COPS9: variants seen among roughly 807,000 people sequenced by gnomAD.
COPS9 encodes the protein COP9 signalosome subunit 9.
In COPS9, 8 loss-of-function variants were observed where a neutral mutation model predicts 7.2. That is an observed-to-expected ratio of 1.11 (90% CI 0.65 to 2.00). The LOEUF is 2.00. COPS9 is among the 30% of genes most tolerant of loss of function. The probability of loss-of-function intolerance (pLI) is 0.00; values close to 1 mark genes in which losing one functional copy is unlikely to be tolerated. For synonymous variants in COPS9, 39 were observed against 28.7 expected (o/e 1.36, Z -1.14); for missense variants, 74 against 77.7 (o/e 0.95, Z 0.18).
chr2:240,130,014 G>A, downstream of COPS9: 1 of 1,613,586 alleles, frequency 6.2e-7, no homozygotes, highest in Non-Finnish European at 8.5e-7. Context: ...GCTTGTCCTG[G>A]GCAGTCCTGA....
intron 1 of COPS9, chr2:240,135,878 C>T: frequency 4.1e-6 from 1 of 242,450 alleles, no homozygotes; most frequent in Non-Finnish European, 7.1e-6. Context: ...CACCGCGGGC[C>T]CCCATGGGGT....
rs1256995450 is a variant in COPS9 at position 240,131,002 on chromosome 2, C to T, written c.*49G>A. 4.4e-6 allele frequency: 7 copies of T among 1,607,316 alleles called. No individual in the cohort carries two copies. The highest frequency in any genetic ancestry group is 5.9e-6 in the Non-Finnish European group (7 of 1,177,356). On this transcript the variant is annotated 3_prime_UTR_variant, in exon 3 of 3. Transcript: ENST00000607357. ...TGAAACTGTCCTGCGCAGGCTCACACTGCGGCTCTGTACCAAGGGCTTGGC... is the reference window on the plus strand; with the variant it reads ...TGAAACTGTCCTGCGCAGGCTCACATTGCGGCTCTGTACCAAGGGCTTGGC...
chr2:240,136,288 G>C lies in COPS9; in HGVS notation c.-4C>G, dbSNP rs1245858541. The C allele has an allele frequency of 1.0e-5, 16 of 1,563,756 alleles. No individual in the cohort carries two copies. The highest frequency in any genetic ancestry group is 2.4e-5 in the South Asian group (2 of 84,842). The stretch of plus-strand genomic sequence containing the variant: ...TCTCGTCCACCGCCGGCTTCATCTC[G>C]GGGCCGCGGCGCTCTAGGCTCACTT... On this transcript the variant is annotated 5_prime_UTR_variant, in exon 1 of 3. Coordinates refer to ENST00000607357, the MANE Select transcript of COPS9 (RefSeq NM_001163424.2).
chr2:240,128,122 C>T (rs943637336), downstream of COPS9, among the ~76,000 whole-genome samples: 1 of 152,216 alleles, frequency 6.6e-6, no homozygotes, highest in African/African-American at 2.4e-5. Context: ...GCAAAGCGCA[C>T]AGCTCGCAGA....
downstream of COPS9, chr2:240,130,022 T>C: frequency 1.2e-6 from 2 of 1,612,234 alleles, no homozygotes; most frequent in Non-Finnish European, 1.7e-6. Context: ...TGGGCAGTCC[T>C]GAGCTGCTGA....
downstream of COPS9, chr2:240,127,088 G>A (rs1417788607): frequency 7.0e-5 from 72 of 1,025,220 alleles, no homozygotes; most frequent in Non-Finnish European, 6.0e-5. Flanking sequence ...GAGAGGGGAA[G>A]GCTAAGTACA....
At chr2:240,133,228 G>GT (rs1345190688) in intron 2 of COPS9, among the ~76,000 whole-genome samples, 2 of 152,246 alleles carry the variant, frequency 1.3e-5, no homozygotes, top group Non-Finnish European at 2.9e-5. Flanking sequence ...TCTGGAGTAA[G>GT]AAACCTATCT....
chr2:240,127,106 A>G (rs543796872), downstream of COPS9, among the ~76,000 whole-genome samples: 6 of 152,360 alleles, frequency 3.9e-5, no homozygotes, highest in Admixed American at 1.3e-4. Context: ...ACAAGGACAC[A>G]GGGTTCCTGG....
intron 1 of COPS9, 78 bp from the exon 2 acceptor site, chr2:240,134,083 C>T (rs2071949216): frequency 1.5e-6 from 2 of 1,328,904 alleles, no homozygotes; most frequent in South Asian, 2.5e-5. Context: ...AGGGCCACTA[C>T]CCCCACAAAA....
chr2:240,127,159 G>A (rs962093927), downstream of COPS9, among the ~76,000 whole-genome samples: 7 of 152,174 alleles, frequency 4.6e-5, no homozygotes, highest in African/African-American at 1.7e-4. Flanking sequence ...GAATACCCAG[G>A]CAGCGCTTGG....
Position 240,136,296 on chromosome 2 carries a change from G to A in COPS9, c.-12C>T, listed in dbSNP as rs557403275. 2.1e-5 allele frequency: 32 copies of A among 1,556,432 alleles called. No homozygotes were observed. The Admixed American group carries it at 5.3e-4, about 26-fold the overall frequency. On this transcript the variant is annotated 5_prime_UTR_variant, in exon 1 of 3. Coordinates refer to ENST00000607357, the MANE Select transcript of COPS9 (RefSeq NM_001163424.2). ...ACCGCCGGCTTCATCTCGGGGCCGC[G>A]GCGCTCTAGGCTCACTTCCGGCCTC... is the stretch of plus-strand genomic sequence containing the variant.
At position 240,130,835 on chromosome 2, in the gene COPS9, G is replaced by A. The variant is rs979921799; in HGVS notation, c.*216C>T. 12 of 1,402,746 alleles carry A rather than the reference G, an allele frequency of 8.6e-6. No individual in the cohort carries two copies. The East Asian group carries it at 2.6e-4, about 30-fold the overall frequency. The allele number at this position is 1,402,746 out of a possible 1,614,324, so 86.9% of individuals were successfully genotyped here. ...AAGAGATCACTCCACATGTGACATT[G>A]CTTTCTTTTAATTGGAGTGAGGACA... On this transcript the variant is annotated 3_prime_UTR_variant, in exon 3 of 3. Coordinates refer to ENST00000607357, the MANE Select transcript of COPS9 (RefSeq NM_001163424.2).
chr2:240,127,073 G>C (rs1574944647), downstream of COPS9: 1 of 1,139,406 alleles, frequency 8.8e-7, no homozygotes, highest in East Asian at 2.5e-5. Context: ...CAGGAACTTA[G>C]GACAGAGAGG....
rs926373453 is a variant in COPS9, at chr2:240,132,111, C to G, written c.137-1023G>C. Among the ~76,000 whole-genome samples the G allele has an allele frequency of 1.3e-5, 2 of 152,214 alleles. No homozygotes were observed. The highest frequency in any genetic ancestry group is 6.5e-5 in the Admixed American group (1 of 15,288). On this transcript the variant is annotated intron_variant, in intron 2 of 2. Coordinates refer to ENST00000607357, the MANE Select transcript of COPS9 (RefSeq NM_001163424.2). This position sits in a 1 kb window ranked among gnomAD's most constrained non-coding sequence, Gnocchi z 4.1. Reference sequence around the variant, plus strand: ...CCTTCCGACCTCTGCTCTGCTGCCCCCTCTGGAGAAACCTCCCTCTGCAGT... The same window carrying G: ...CCTTCCGACCTCTGCTCTGCTGCCCGCTCTGGAGAAACCTCCCTCTGCAGT...
At chr2:240,128,824 G>C (rs147827119), downstream of COPS9, among the ~76,000 whole-genome samples, 434 of 152,326 alleles carry the variant, frequency 2.8e-3, 3 homozygotes, top group African/African-American at 0.01. Context: ...AGGTGGCAAT[G>C]CTCGTGGCCT....
Position 240,131,023 on chromosome 2 carries a change from T to G in COPS9, c.*28A>C. Reference sequence around the variant, plus strand: ...CACACTGCGGCTCTGTACCAAGGGCTTGGCCCCGCCTGCAGCCAGAGGGCA... The same window carrying G: ...CACACTGCGGCTCTGTACCAAGGGCGTGGCCCCGCCTGCAGCCAGAGGGCA... On this transcript the variant is annotated 3_prime_UTR_variant, in exon 3 of 3. Coordinates refer to ENST00000607357, the MANE Select transcript of COPS9 (RefSeq NM_001163424.2). 6.2e-7 allele frequency: 1 copy of G among 1,612,072 alleles called. No individual in the cohort carries two copies. Among genetic ancestry groups the G allele is most frequent in the Non-Finnish European group, 8.5e-7 (1 of 1,179,326 alleles).
chr2:240,130,543 G>A (rs1311344359), downstream of COPS9, among the ~76,000 whole-genome samples: 2 of 152,228 alleles, frequency 1.3e-5, no homozygotes, highest in African/African-American at 2.4e-5. Context: ...GCATAAGGAC[G>A]ACTGTGCTGA....
downstream of COPS9, chr2:240,129,979 G>T: frequency 6.2e-7 from 1 of 1,613,968 alleles, no homozygotes; most frequent in Non-Finnish European, 8.5e-7. Flanking sequence ...CCTCGCTGCA[G>T]TGCGGGAACC....
At chr2:240,129,793 C>A, downstream of COPS9, 1 of 819,970 alleles carries the variant, frequency 1.2e-6, no homozygotes, top group Non-Finnish European at 2.0e-6. Context: ...GACGTGCACG[C>A]CTGGCCGCTG....
Sources: gnomAD v4.1 joint callset for allele counts (sites outside exome capture counted in the v4.1 genomes callset) on GRCh38, gnomAD v4.1.1 for gene constraint, Gnocchi (gnomAD v3.1) non-coding constraint, MANE v1.5 for transcripts, NCBI Gene and HGNC (gene_info 2026-07-23, HGNC 2026-07-21) for gene names.